Variants in PTPRK observed in about 807,000 individuals in gnomAD.
The protein encoded by PTPRK is protein tyrosine phosphatase receptor type K, also known as receptor-type tyrosine-protein phosphatase kappa.
PTPRK carries 75 observed loss-of-function variants against 178.0 expected under a neutral mutation model. That is an observed-to-expected ratio of 0.42 (90% CI 0.35 to 0.51). The LOEUF (loss-of-function observed/expected upper bound fraction) is 0.51, where lower values mean the gene tolerates loss of function less well. PTPRK is among the 20% of genes least tolerant of loss of function. PTPRK has a pLI of 0.02. For missense variants in PTPRK, 1,441 were observed against 1,797.8 expected, an observed-to-expected ratio of 0.80 and a Z score of 3.59; for synonymous variants, 637 against 620.6, an observed-to-expected ratio of 1.03 and a Z score of -0.39.
intron 3 of PTPRK, among the ~76,000 whole-genome samples, chr6:128,255,082 C>A (rs941886017): frequency 6.6e-6 from 1 of 152,328 alleles, no homozygotes; most frequent in African/African-American, 2.4e-5. Context: ...CCTCCGCCTC[C>A]TGGGTTCAAG....
intron 7 of PTPRK, among the ~76,000 whole-genome samples, chr6:128,098,395 A>G (rs1788244092): frequency 6.6e-6 from 1 of 152,072 alleles, no homozygotes; most frequent in Admixed American, 6.6e-5. Context: ...TTGTCAGCCT[A>G]TATCTCAAAA....
At chr6:128,302,265 G>A (rs1216836057) in intron 3 of PTPRK, among the ~76,000 whole-genome samples, 1 of 151,692 alleles carries the variant, frequency 6.6e-6, no homozygotes, top group South Asian at 2.1e-4. Context: ...GGTGGCGGGC[G>A]CCTGTAGTCC....
intron 25 of PTPRK, among the ~76,000 whole-genome samples, chr6:127,979,412 C>T (rs1001831099): frequency 1.3e-4 from 20 of 152,250 alleles, no homozygotes; most frequent in African/African-American, 4.8e-4. Context: ...CTTGTTCACA[C>T]ATCCTTTTTT....
chr6:128,438,425 C>G (rs1023122141), intron 1 of PTPRK, among the ~76,000 whole-genome samples: 1 of 152,220 alleles, frequency 6.6e-6, no homozygotes, highest in Non-Finnish European at 1.5e-5. Context: ...AGAATCTACT[C>G]TATCACTGCC....
At chr6:128,446,006 CA>C (rs1268627633) in intron 1 of PTPRK, among the ~76,000 whole-genome samples, 1 of 151,426 alleles carries the variant, frequency 6.6e-6, no homozygotes, top group African/African-American at 2.4e-5. Flanking sequence ...GGCCTCTCAC[CA>C]AAAGGCATGT....
At position 128,421,478 on chromosome 6, in the gene PTPRK, T is replaced by C. The variant is rs1459919318; in HGVS notation, c.101-23790A>G. ...AAAAGTGTGTATTATTTATTTTCCT[T>C]TTTTTCAATCTAATGGTAATACTCC... On this transcript the variant is annotated intron_variant, in intron 1 of 29. Transcript: ENST00000368226. Among the ~76,000 whole-genome samples, 3 of 152,200 alleles carry C rather than the reference T, an allele frequency of 2.0e-5. 1 individual carries two copies. The highest frequency in any genetic ancestry group is 1.9e-4 in the East Asian group (1 of 5,198).
chr6:128,017,799 T>TACATATATAAATAA (rs1779762236), intron 13 of PTPRK, among the ~76,000 whole-genome samples: 1 of 58,438 alleles, frequency 1.7e-5, no homozygotes, highest in Non-Finnish European at 3.1e-5. Context: ...TAAATATATA[T>TACATATATAAATAA]GTGTATATAT....
chr6:128,112,026 A>C (rs1790753867), intron 7 of PTPRK, among the ~76,000 whole-genome samples: 2 of 152,138 alleles, frequency 1.3e-5, no homozygotes, highest in South Asian at 4.1e-4. Flanking sequence ...TCATGAATTT[A>C]TTCTTCTAAT....
intron 3 of PTPRK, among the ~76,000 whole-genome samples, chr6:128,314,175 C>T (rs1415261389): frequency 6.6e-6 from 1 of 152,200 alleles, no homozygotes; most frequent in Non-Finnish European, 1.5e-5. Context: ...AATGCAGTTT[C>T]TAAGACTTCT....
At chr6:128,177,622 T>C (rs1801269712) in intron 7 of PTPRK, among the ~76,000 whole-genome samples, 2 of 151,852 alleles carry the variant, frequency 1.3e-5, no homozygotes, top group Non-Finnish European at 2.9e-5. Context: ...ACACTGCTAC[T>C]GATGATACCA....
At chr6:128,464,645 A>ATATATATATGTG (rs1365214318) in intron 1 of PTPRK, among the ~76,000 whole-genome samples, 1 of 86,990 alleles carries the variant, frequency 1.1e-5, no homozygotes, top group African/African-American at 5.6e-5. Context: ...ACACATATAT[A>ATATATATATGTG]TATATATATA....
At chr6:128,268,184 C>A (rs1029105445) in intron 3 of PTPRK, among the ~76,000 whole-genome samples, 1 of 151,940 alleles carries the variant, frequency 6.6e-6, no homozygotes, top group Non-Finnish European at 1.5e-5. Flanking sequence ...CTGAACCTTT[C>A]CCATTCTCAT....
At chr6:128,422,804 C>A (rs891259766) in intron 1 of PTPRK, among the ~76,000 whole-genome samples, 1 of 150,094 alleles carries the variant, frequency 6.7e-6, no homozygotes, top group Non-Finnish European at 1.5e-5. Context: ...ACTGAGCTAA[C>A]GCTAAAATTT....
At chr6:127,998,631 G>A (rs1247949400) in intron 16 of PTPRK, 89 bp downstream of exon 16, 10 of 1,076,154 alleles carry the variant, frequency 9.3e-6, no homozygotes, top group Non-Finnish European at 1.3e-5. Flanking sequence ...TCCCCTCCTT[G>A]TTGTGTTAAA....
chr6:128,136,050 C>G lies in PTPRK; in HGVS notation c.1163-46058G>C, dbSNP rs552648745. On this transcript the variant is annotated intron_variant, in intron 7 of 29. Transcript: ENST00000368226. ...TAAATGAGGTTTTTAGGGTGGGGTC[C>G]TATTCCAGTATCTCTGGTGTCCCAT... Among the ~76,000 whole-genome samples the G allele has an allele frequency of 1.8e-4, 27 of 152,164 alleles. 1 individual carries two copies. The South Asian group carries it at 5.6e-3, about 32-fold the overall frequency.
At chr6:128,491,875 T>C (rs538020992) in intron 1 of PTPRK, 4 of 491,956 alleles carry the variant, frequency 8.1e-6, no homozygotes, top group South Asian at 5.9e-5. Context: ...GCTTGGTAAC[T>C]AACAGGCTAA....
intron 1 of PTPRK, among the ~76,000 whole-genome samples, chr6:128,470,397 T>G (rs1850458285): frequency 6.9e-6 from 1 of 144,668 alleles, no homozygotes; most frequent in South Asian, 2.1e-4. Flanking sequence ...TCTTAACCTC[T>G]AATGCGTTTT....
intron 2 of PTPRK, among the ~76,000 whole-genome samples, chr6:128,367,840 A>G (rs1835731539): frequency 6.6e-6 from 1 of 152,184 alleles, no homozygotes; most frequent in Admixed American, 6.6e-5. Flanking sequence ...ATTAACTACT[A>G]TAAAAATTAC....
At position 128,430,532 on chromosome 6, in the gene PTPRK, C is replaced by T. The variant is rs557689704; in HGVS notation, c.101-32844G>A. 1.6e-4 allele frequency among the ~76,000 whole-genome samples: 25 copies of T among 152,144 alleles called. No homozygotes were observed. In the South Asian group the frequency reaches 4.4e-3, roughly 27 times the overall value. ...ATGCAATGAGACTAAAATATATTAC[C>T]TACCTTTAATAATAGCAGAAAAGAC... On this transcript the variant is annotated intron_variant, in intron 1 of 29. Transcript: ENST00000368226.
Sources: allele counts gnomAD v4.1 joint callset (sites outside exome capture counted in the v4.1 genomes callset), GRCh38; gene constraint gnomAD v4.1.1; transcripts MANE v1.5; gene names NCBI Gene and HGNC (gene_info 2026-07-23, HGNC 2026-07-21).